ZFP30: variants seen among roughly 807,000 people sequenced by gnomAD.
The protein encoded by ZFP30 is ZFP30 zinc finger protein.
In ZFP30, 16 loss-of-function variants were observed where a neutral mutation model predicts 12.3. That is an observed-to-expected ratio of 1.30 (90% CI 0.88 to 1.98). ZFP30 has a LOEUF of 1.98. Among genes scored for constraint, ZFP30 ranks in the 30% most tolerant of loss-of-function variants. The probability of loss-of-function intolerance (pLI) is 0.00; values close to 1 mark genes in which losing one functional copy is unlikely to be tolerated. For missense variants in ZFP30, 560 were observed against 611.2 expected (o/e 0.92, Z 0.88); for synonymous variants, 172 against 201.0 (o/e 0.86, Z 1.22).
intron 4 of ZFP30, among the ~76,000 whole-genome samples, chr19:37,644,060 T>A (rs1035259892): frequency 1.3e-5 from 2 of 152,170 alleles, no homozygotes; most frequent in African/African-American, 4.8e-5. Flanking sequence ...CAGTATGAAA[T>A]CAGATTGTTT....
At chr19:37,642,627 T>C (rs2044458212) in intron 5 of ZFP30, among the ~76,000 whole-genome samples, 1 of 152,030 alleles carries the variant, frequency 6.6e-6, no homozygotes, top group Non-Finnish European at 1.5e-5. Flanking sequence ...AAAAAATGTA[T>C]ACATAAAAGT....
intron 5 of ZFP30, among the ~76,000 whole-genome samples, chr19:37,642,096 A>T (rs2044447180): frequency 6.6e-6 from 1 of 152,252 alleles, no homozygotes; most frequent in African/African-American, 2.4e-5. Context: ...TGCTATCAGC[A>T]CTGATATTCA....
chr19:37,635,366 C>G lies in ZFP30; in HGVS notation c.1175G>C (p.Arg392Pro), dbSNP rs376250796. 4.3e-6 allele frequency: 7 copies of G among 1,613,842 alleles called. No homozygotes were observed. The African/African-American group carries it at 9.4e-5, about 22-fold the overall frequency. Residue 392 changes from arginine to proline, a missense_variant, in exon 6 of 6, where the codon CGT becomes CCT. Arg to Pro is a moderately radical substitution (Grantham distance 103). Coordinates refer to ENST00000684514, the MANE Select transcript of ZFP30 (RefSeq NM_001320669.3). Reference sequence around the variant, plus strand: ...ATGTGAAATAAGTTCTGAGTAACGACGAAAGAACTTCTGACATTCCTTACA... The same window carrying G: ...ATGTGAAATAAGTTCTGAGTAACGAGGAAAGAACTTCTGACATTCCTTACA... ...YECKECQKFFRRYSELISHQG... is the reference protein window; with the variant it reads ...YECKECQKFFPRYSELISHQG...
rs750483078 is a variant in ZFP30, at chr19:37,635,812, T to C, written c.729A>G (p.Glu243=). 1 of 1,614,172 alleles carries C rather than the reference T, an allele frequency of 6.2e-7. No individual in the cohort carries two copies. The highest frequency in any genetic ancestry group is 2.2e-5 in the East Asian group (1 of 44,880). The change falls in exon 6 of 6, where the codon GAA becomes GAG. Residue 243 remains glutamate, a synonymous_variant. Coordinates refer to ENST00000684514, the MANE Select transcript of ZFP30 (RefSeq NM_001320669.3). ...QRIHIGEKPY[E]CKECGKAFRV... ...TAAAGGCTTTCCCACATTCTTTACA[T>C]TCATACGGCTTCTCACCAATATGAA...
intron 4 of ZFP30, among the ~76,000 whole-genome samples, chr19:37,643,781 ATTTT>A (rs1020121986): frequency 6.6e-6 from 1 of 150,550 alleles, no homozygotes; most frequent in African/African-American, 2.4e-5. Context: ...CTATTTTTTG[ATTTT>A]TTTTTTAAAG....
chr19:37,653,370 C>T (rs1007555496), intron 2 of ZFP30, among the ~76,000 whole-genome samples: 2 of 152,122 alleles, frequency 1.3e-5, no homozygotes, highest in African/African-American at 4.8e-5. Flanking sequence ...TACTTAATAA[C>T]TTGCATTTAC....
At chr19:37,654,264 T>C (rs1462786005) in intron 2 of ZFP30, among the ~76,000 whole-genome samples, 2 of 152,148 alleles carry the variant, frequency 1.3e-5, no homozygotes, top group Admixed American at 6.6e-5. Context: ...ATCCAAGATA[T>C]ACCCAAAATA....
At chr19:37,644,543 C>CAA (rs10650894) in intron 4 of ZFP30, 67 bp downstream of exon 4, 24 of 1,455,334 alleles carry the variant, frequency 1.6e-5, no homozygotes, top group Admixed American at 5.0e-5. Flanking sequence ...TGGAAAAAAA[C>CAA]AAAGACAGCC....
intron 3 of ZFP30, 104 bp from the exon 4 acceptor site, chr19:37,644,840 T>C: frequency 8.3e-7 from 1 of 1,206,960 alleles, no homozygotes; most frequent in Non-Finnish European, 1.1e-6. Flanking sequence ...ATTCTAGCTT[T>C]GGGAGCCTGA....
intron 2 of ZFP30, among the ~76,000 whole-genome samples, chr19:37,651,208 G>A (rs1037311778): frequency 5.9e-5 from 9 of 151,894 alleles, no homozygotes; most frequent in Non-Finnish European, 8.8e-5. Context: ...TTTTTTGTAA[G>A]TTTAGTTTTC....
intron 5 of ZFP30, among the ~76,000 whole-genome samples, chr19:37,639,929 A>C (rs1448674117): frequency 6.6e-6 from 1 of 152,220 alleles, no homozygotes; most frequent in East Asian, 1.9e-4. Context: ...GTTCTATAAT[A>C]TACACAGCTG....
rs1441987340 is a variant in ZFP30 at position 37,635,312 on chromosome 19, T to A, written c.1229A>T (p.Tyr410Phe). Residue 410 changes from tyrosine (Y) to phenylalanine (F), a missense_variant, in exon 6 of 6, where the codon TAT (tyrosine) becomes TTT (phenylalanine). Coordinates refer to ENST00000684514, the MANE Select transcript of ZFP30 (RefSeq NM_001320669.3). ...TGCCTTCCCACATTCCTTACATTCA[T>A]AAGGTTTCTCTCCAATGTGAATACC... ...HQGIHIGEKP[Y>F]ECKECGKAFR... 3.7e-6 allele frequency: 6 copies of A among 1,613,930 alleles called. No individual in the cohort carries two copies. In the Admixed American group the frequency reaches 8.3e-5, roughly 22 times the overall value.
At chr19:37,636,420 T>C in intron 5 of ZFP30, 115 bp from the exon 6 acceptor site, 2 of 1,124,088 alleles carry the variant, frequency 1.8e-6, no homozygotes, top group Non-Finnish European at 2.4e-6. Context: ...GAAAGCCCAA[T>C]TGAAGTAAAT....
At chr19:37,653,684 G>C (rs989818878) in intron 2 of ZFP30, among the ~76,000 whole-genome samples, 3 of 152,152 alleles carry the variant, frequency 2.0e-5, no homozygotes, top group Non-Finnish European at 4.4e-5. Context: ...GTCATTACCA[G>C]TTATTTCATT....
intron 2 of ZFP30, among the ~76,000 whole-genome samples, chr19:37,650,166 C>A (rs1193784037): frequency 6.6e-6 from 1 of 151,410 alleles, no homozygotes; most frequent in Admixed American, 6.6e-5. Flanking sequence ...GTCGCTCAGG[C>A]TAAAGTGCAA....
chr19:37,646,582 G>C (rs778518617), intron 3 of ZFP30, among the ~76,000 whole-genome samples: 13 of 152,116 alleles, frequency 8.5e-5, no homozygotes, highest in Non-Finnish European at 1.6e-4. Context: ...TTTTGAGGCA[G>C]GGTCTCACTC....
Position 37,634,065 on chromosome 19 carries a change from T to G in ZFP30, c.*916A>C, listed in dbSNP as rs2044276733. ...CATGATCTAAGTAAAAACCACTGTTTCATTGCATTTGACTGATGTCTCAAG... is the reference window on the plus strand; with the variant it reads ...CATGATCTAAGTAAAAACCACTGTTGCATTGCATTTGACTGATGTCTCAAG... On this transcript the variant is annotated 3_prime_UTR_variant, in exon 6 of 6. Coordinates refer to ENST00000684514, the MANE Select transcript of ZFP30 (RefSeq NM_001320669.3). The G allele has an allele frequency of 6.6e-6, 1 of 152,256 alleles. No individual in the cohort carries two copies. The highest frequency in any genetic ancestry group is 2.4e-5 in the African/African-American group (1 of 41,472). 9.4% of individuals were successfully genotyped at this position (152,256 alleles called of 1,614,324 possible).
intron 5 of ZFP30, among the ~76,000 whole-genome samples, chr19:37,637,239 T>C (rs978622535): frequency 3.3e-5 from 5 of 151,270 alleles, no homozygotes; most frequent in Non-Finnish European, 5.9e-5. Context: ...AGTTTCGCTC[T>C]TGTTGCCCAA....
At chr19:37,652,902 G>A (rs905009251) in intron 2 of ZFP30, among the ~76,000 whole-genome samples, 2 of 152,042 alleles carry the variant, frequency 1.3e-5, no homozygotes, top group Non-Finnish European at 2.9e-5. Flanking sequence ...TGGATCACTT[G>A]AGGTTAGGAG....
Sources: gnomAD v4.1 joint callset for allele counts (sites outside exome capture counted in the v4.1 genomes callset) on GRCh38, gnomAD v4.1.1 for gene constraint, MANE v1.5 for transcripts, NCBI Gene and HGNC (gene_info 2026-07-23, HGNC 2026-07-21) for gene names.